Variants in NOTCH1 observed in about 807,000 individuals in gnomAD.
NOTCH1 encodes notch receptor 1, also known as neurogenic locus notch homolog protein 1.
In NOTCH1, 37 loss-of-function variants were observed where a neutral mutation model predicts 254.8. That is an observed-to-expected ratio of 0.15 (90% CI 0.11 to 0.19). The LOEUF is 0.19. Ranked by LOEUF, NOTCH1 falls within the 10% of genes least tolerant of loss-of-function variation. The pLI, the probability that NOTCH1 is intolerant of heterozygous loss-of-function variation, is 1.00. For synonymous variants in NOTCH1, 1,731 were observed against 1,618.1 expected, an observed-to-expected ratio of 1.07 and a Z score of -1.68; for missense variants, 2,972 against 3,708.6, an observed-to-expected ratio of 0.80 and a Z score of 5.16.
intron 2 of NOTCH1, among the ~76,000 whole-genome samples, chr9:136,535,715 GGTGGGA>G (rs1354338414): frequency 3.6e-5 from 1 of 27,722 alleles, no homozygotes; most frequent in Non-Finnish European, 7.9e-5. Flanking sequence ...ATGGGTGCAG[GGTGGGA>G]GTGGGTGGAG....
rs768543030 is a variant in NOTCH1, at chr9:136,497,479, C to G, written c.6260G>C (p.Arg2087Pro). ...GCGGTCCATATGATCCGTGATGTCCCGGTTGGCAAAGTGGTCCAGCAGCAC... is the reference window on the plus strand; with the variant it reads ...GCGGTCCATATGATCCGTGATGTCCGGGTTGGCAAAGTGGTCCAGCAGCAC... The part of the protein sequence containing the change: ...AKVLLDHFAN[R>P]DITDHMDRLP... Residue 2087 changes from arginine (R) to proline (P), a missense_variant, in exon 34 of 34, where the codon CGG (arginine) becomes CCG (proline). This residue lies in a region of NOTCH1 where 529 missense variants were observed against 529.2 expected (regional missense o/e 1.00). Transcript: ENST00000651671. The G allele has an allele frequency of 6.2e-7, 1 of 1,612,256 alleles. No homozygotes were observed. Among genetic ancestry groups the G allele is most frequent in the Non-Finnish European group, 8.5e-7 (1 of 1,179,820 alleles).
Position 136,496,422 on chromosome 9 carries a change from G to T in NOTCH1, c.7317C>A (p.Ser2439Arg). The T allele has an allele frequency of 6.3e-7, 1 of 1,599,566 alleles. No individual in the cohort carries two copies. The highest frequency in any genetic ancestry group is 8.5e-7 in the Non-Finnish European group (1 of 1,179,652). ...LGRSFLSGEP[S>R]QADVQPLGPS... Reference sequence around the variant, plus strand: ...GGCCCAGTGGCTGCACGTCTGCCTGGCTCGGCTCTCCACTCAGGAAGCTCC... The same window carrying T: ...GGCCCAGTGGCTGCACGTCTGCCTGTCTCGGCTCTCCACTCAGGAAGCTCC... Residue 2439 changes from serine (S) to arginine (R), a missense_variant, in exon 34 of 34, where the codon AGC (serine) becomes AGA (arginine). By Grantham distance (110) the Ser-to-Arg change is moderately radical. Around this residue, in one of 8 missense-constraint regions of NOTCH1, gnomAD observed 529 missense variants for 529.2 expected, o/e 1.00. Coordinates refer to ENST00000651671, the MANE Select transcript of NOTCH1 (RefSeq NM_017617.5).
rs1423532065 is a variant in NOTCH1 at position 136,505,000 on chromosome 9, T to C, written c.4691A>G (p.His1564Arg). 6.2e-7 allele frequency: 1 copy of C among 1,601,094 alleles called. No homozygotes were observed. Among genetic ancestry groups the C allele is most frequent in the Non-Finnish European group, 8.5e-7 (1 of 1,174,940 alleles). Residue 1564 changes from histidine (H) to arginine (R), a missense_variant, in exon 26 of 34, where the codon CAT becomes CGT. By Grantham distance (29) the His-to-Arg change is conservative. Around this residue, in one of 8 missense-constraint regions of NOTCH1, gnomAD observed 1,343 missense variants for 1,557.0 expected, o/e 0.86. Transcript: ENST00000651671. Reference protein sequence around the residue: ...CEWDGLDCAEHVPERLAAGTL... With the variant: ...CEWDGLDCAERVPERLAAGTL... ...GCCGGCCGCCAGCCTCTCGGGTACA[T>C]GCTCCGCACAGTCCAGCCCGTCCCA...
At position 136,499,233 on chromosome 9, in the gene NOTCH1, G is replaced by T. The variant is rs775610458; in HGVS notation, c.5961C>A (p.Asp1987Glu). 6.2e-7 allele frequency: 1 copy of T among 1,613,092 alleles called. No homozygotes were observed. Among genetic ancestry groups the T allele is most frequent in the Non-Finnish European group, 8.5e-7 (1 of 1,180,008 alleles). ...FQILIRNRAT[D>E]LDARMHDGTT... ...TGCCATCATGCATGCGGGCATCCAG[G>T]TCTGTGGCTCGGTTCCGGATCAGGA... Residue 1987 changes from aspartate to glutamate, a missense_variant, in exon 32 of 34, where the codon GAC becomes GAA. By Grantham distance (45) the Asp-to-Glu change is conservative. Transcript: ENST00000651671.
At chr9:136,508,700 G>A (rs1045931211) in intron 19 of NOTCH1, among the ~76,000 whole-genome samples, 170 bp downstream of exon 19, 2 of 152,226 alleles carry the variant, frequency 1.3e-5, no homozygotes, top group African/African-American at 4.8e-5. Flanking sequence ...TGCTGCTTCC[G>A]CATCAGGTTC....
intron 2 of NOTCH1, among the ~76,000 whole-genome samples, chr9:136,526,837 G>A (rs983067221): frequency 6.6e-6 from 1 of 152,156 alleles, no homozygotes; most frequent in Non-Finnish European, 1.5e-5. Context: ...GCGGCTGGGA[G>A]CAGGTGTCAG....
rs199712356 is a variant in NOTCH1 at position 136,500,850 on chromosome 9, G to A, written c.5639-3C>T. The A allele has an allele frequency of 8.8e-6, 14 of 1,588,114 alleles. No homozygotes were observed. In the East Asian group the frequency reaches 2.9e-4, roughly 33 times the overall value. ...GATCATGAGCGGGGTGAAGCCATCT[G>A]CAGAGGCAGAGACGGGTGCTCAGTC... On this transcript the variant is annotated splice_region_variant and splice_polypyrimidine_tract_variant and intron_variant, in intron 30 of 33. Transcript: ENST00000651671.
Position 136,503,431 on chromosome 9 carries a change from A to T in NOTCH1, c.5019-101T>A, listed in dbSNP as rs1564189706. 3 of 1,569,388 alleles carry T rather than the reference A, an allele frequency of 1.9e-6. No homozygotes were observed. The African/African-American group carries it at 4.1e-5, about 21-fold the overall frequency. On this transcript the variant is annotated intron_variant, in intron 26 of 33. Transcript: ENST00000651671. ...AGGACACTGAGGCCCATGACGCCAC[A>T]GTCAGGACATGGTGAGGCAGCCTGG...
Position 136,509,809 on chromosome 9 carries a change from C to A in NOTCH1, c.2893G>T (p.Asp965Tyr). 6.2e-7 allele frequency: 1 copy of A among 1,613,148 alleles called. No individual in the cohort carries two copies. Among genetic ancestry groups the A allele is most frequent in the Non-Finnish European group, 8.5e-7 (1 of 1,180,018 alleles). Reference sequence around the variant, plus strand: ...GCGGGGCAGGTGCACGTGTAGCTGTCCACGCAGTCCGTGCAGTTGGCCCCG... The same window carrying A: ...GCGGGGCAGGTGCACGTGTAGCTGTACACGCAGTCCGTGCAGTTGGCCCCG... ...RNGANCTDCV[D>Y]SYTCTCPAGF... Residue 965 changes from aspartate (D) to tyrosine (Y), a missense_variant, in exon 18 of 34, where the codon GAC becomes TAC. Physicochemically the swap from Asp to Tyr is radical, Grantham distance 160. Coordinates refer to ENST00000651671, the MANE Select transcript of NOTCH1 (RefSeq NM_017617.5).
chr9:136,504,999 A>G lies in NOTCH1; in HGVS notation c.4692T>C (p.His1564=), dbSNP rs760765034. 20 of 1,600,832 alleles carry G rather than the reference A, an allele frequency of 1.2e-5. No individual in the cohort carries two copies. Among genetic ancestry groups the G allele is most frequent in the South Asian group, 3.4e-5 (3 of 88,970 alleles). Residue 1564 remains histidine (H), a synonymous_variant, in exon 26 of 34, where the codon CAT becomes CAC. Transcript: ENST00000651671. ...TGCCGGCCGCCAGCCTCTCGGGTAC[A>G]TGCTCCGCACAGTCCAGCCCGTCCC... ...CEWDGLDCAE[H]VPERLAAGTL...
Position 136,523,141 on chromosome 9 carries a change from T to G in NOTCH1, c.451A>C (p.Asn151His), listed in dbSNP as rs542928414. 6.2e-7 allele frequency: 1 copy of G among 1,606,450 alleles called. No homozygotes were observed. Among genetic ancestry groups the G allele is most frequent in the African/African-American group, 1.3e-5 (1 of 74,968 alleles). The change falls in exon 4 of 34, where the codon AAC (asparagine) becomes CAC (histidine). Residue 151 changes from asparagine to histidine, a missense_variant. By Grantham distance (68) the Asn-to-His change is moderately conservative (BLOSUM62 1). This residue lies in a region of NOTCH1 where 374 missense variants were observed against 496.3 expected (regional missense o/e 0.75). Transcript: ENST00000651671. ...ADPCASNPCA[N>H]GGQCLPFEAS... ...TCGAAGGGCAGGCACTGGCCACCGT[T>G]GGCGCAGGGGTTGGAGGCGCACGGG...
Position 136,506,979 on chromosome 9 carries a change from G to A in NOTCH1, c.3644-6C>T, listed in dbSNP as rs2133344408. 4 of 1,593,544 alleles carry A rather than the reference G, an allele frequency of 2.5e-6. No individual in the cohort carries two copies. Among genetic ancestry groups the A allele is most frequent in the Non-Finnish European group, 3.4e-6 (4 of 1,171,642 alleles). On this transcript the variant is annotated splice_region_variant and splice_polypyrimidine_tract_variant and intron_variant, in intron 22 of 33. Coordinates refer to ENST00000651671, the MANE Select transcript of NOTCH1 (RefSeq NM_017617.5). This position sits in a 1 kb window ranked among gnomAD's most constrained non-coding sequence, Gnocchi z 4.5. The stretch of plus-strand genomic sequence containing the variant: ...GTTGATCTCACAGTGCACACCTGCG[G>A]GGCCAGGTTTCGTCAGTGGCCCAAG...
In NOTCH1 at chr9:136,494,722, G is replaced by A. The variant is rs768282267; in HGVS notation, c.*1349C>T. 8.8e-5 allele frequency: 35 copies of A among 398,574 alleles called. No homozygotes were observed. The highest frequency in any genetic ancestry group is 1.2e-4 in the Non-Finnish European group (27 of 226,012). 24.7% of individuals were successfully genotyped at this position (398,574 alleles called of 1,614,324 possible). ...AGTGCATGGGCGGCTAAGGCTCCCCGAGCTGAGCCAAGTCTGACGTCCCTC... is the reference window on the plus strand; with the variant it reads ...AGTGCATGGGCGGCTAAGGCTCCCCAAGCTGAGCCAAGTCTGACGTCCCTC... On this transcript the variant is annotated 3_prime_UTR_variant, in exon 34 of 34. Coordinates refer to ENST00000651671, the MANE Select transcript of NOTCH1 (RefSeq NM_017617.5).
rs557375925 is a variant in NOTCH1 at position 136,497,316 on chromosome 9, C to G, written c.6423G>C (p.Ser2141=). The change falls in exon 34 of 34, where the codon TCG becomes TCC. Residue 2141 remains serine, a synonymous_variant. Coordinates refer to ENST00000651671, the MANE Select transcript of NOTCH1 (RefSeq NM_017617.5). ...TGAGGCTGCCCAGGTAGCCGTTGGG[C>G]GAGCAGAGCGGGGGCGACAGGGTGG... is the stretch of plus-strand genomic sequence containing the variant. ...GTPTLSPPLC[S]PNGYLGSLKP... The G allele has an allele frequency of 6.2e-7, 1 of 1,606,886 alleles. No homozygotes were observed. Among genetic ancestry groups the G allele is most frequent in the African/African-American group, 1.3e-5 (1 of 74,938 alleles).
chr9:136,511,301 G>C (rs1843178486), intron 15 of NOTCH1, 30 bp from the exon 16 acceptor site: 1 of 1,594,768 alleles, frequency 6.3e-7, no homozygotes, highest in Non-Finnish European at 8.5e-7. Flanking sequence ...GTGACCCCGG[G>C]AGCCTCACCC....
intron 21 of NOTCH1, 103 bp from the exon 22 acceptor site, chr9:136,507,540 T>G (rs1843108423): frequency 1.3e-6 from 2 of 1,497,134 alleles, no homozygotes. Flanking sequence ...TGAGCTGCCC[T>G]CAGGTCCAGC....
At chr9:136,503,761 G>A (rs1843036206) in intron 26 of NOTCH1, among the ~76,000 whole-genome samples, 1 of 152,226 alleles carries the variant, frequency 6.6e-6, no homozygotes, top group Non-Finnish European at 1.5e-5. Context: ...CTGGGGGTGA[G>A]CTCTGCTCCC....
intron 2 of NOTCH1, among the ~76,000 whole-genome samples, chr9:136,532,164 C>G (rs1179707538): frequency 1.3e-5 from 2 of 152,182 alleles, no homozygotes; most frequent in Non-Finnish European, 2.9e-5. Flanking sequence ...GAGGGGCCTG[C>G]AGTGCCACAA....
chr9:136,496,586 C>A lies in NOTCH1; in HGVS notation c.7153G>T (p.Val2385Leu). The change falls in exon 34 of 34, where the codon GTG (valine) becomes TTG (leucine). Residue 2385 changes from valine to leucine, a missense_variant. This residue lies in a region of NOTCH1 where 529 missense variants were observed against 529.2 expected (regional missense o/e 1.00). Transcript: ENST00000651671. ...TQPHLVQTQQ[V>L]QPQNLQMQQQ... ...TGCATCTGTAAGTTTTGTGGCTGCACCTGCTGGGTCTGCACCAGGTGAGGC... is the reference window on the plus strand; with the variant it reads ...TGCATCTGTAAGTTTTGTGGCTGCAACTGCTGGGTCTGCACCAGGTGAGGC... The A allele has an allele frequency of 6.2e-7, 1 of 1,612,674 alleles. No homozygotes were observed. Among genetic ancestry groups the A allele is most frequent in the Non-Finnish European group, 8.5e-7 (1 of 1,179,982 alleles).
Sources: gnomAD v4.1 joint callset for allele counts (sites outside exome capture counted in the v4.1 genomes callset) on GRCh38, gnomAD v4.1.1 for gene constraint, gnomAD v4.1.1 regional missense constraint, Gnocchi (gnomAD v3.1) non-coding constraint, MANE v1.5 for transcripts, NCBI Gene and HGNC (gene_info 2026-07-23, HGNC 2026-07-21) for gene names.